The following ATP2C2 variants were observed in gnomAD, a reference collection of about 807,000 sequenced individuals.
ATP2C2 encodes the protein ATPase secretory pathway Ca2+ transporting 2.
ATP2C2 carries 171 observed loss-of-function variants against 110.8 expected under a neutral mutation model. The observed-to-expected ratio is 1.54, with a 90% CI of 1.36 to 1.75. The LOEUF (loss-of-function observed/expected upper bound fraction) is 1.75, where lower values mean the gene tolerates loss of function less well. Among genes scored for constraint, ATP2C2 ranks in the 40% most tolerant of loss-of-function variants. The probability of loss-of-function intolerance (pLI) is 0.00; values close to 1 mark genes in which losing one functional copy is unlikely to be tolerated. For missense variants in ATP2C2, 1,963 were observed against 1,235.0 expected, an observed-to-expected ratio of 1.59 and a Z score of -8.84; for synonymous variants, 804 against 508.4, an observed-to-expected ratio of 1.58 and a Z score of -7.82.
rs369793367 is a variant in ATP2C2 at position 84,415,468 on chromosome 16, C to T, written c.516-15C>T. ...TCAGCATGGATGCTTTTGCTTTTTA[C>T]CATGTCAAATGCAGCCTAAGAGAAG... On this transcript the variant is annotated splice_polypyrimidine_tract_variant and intron_variant, in intron 6 of 26. Transcript: ENST00000262429. The T allele has an allele frequency of 1.2e-4, 193 of 1,611,300 alleles. No homozygotes were observed. The Middle Eastern group carries it at 1.8e-3, about 15-fold the overall frequency.
chr16:84,383,760 T>TGTGTG (rs1246366949), intron 1 of ATP2C2, among the ~76,000 whole-genome samples: 48 of 146,204 alleles, frequency 3.3e-4, no homozygotes, highest in South Asian at 1.2e-3. Context: ...TATGTGTGTG[T>TGTGTG]TGGGGGTGGG....
At chr16:84,380,372 C>T (rs1218103863) in intron 1 of ATP2C2, among the ~76,000 whole-genome samples, 2 of 151,902 alleles carry the variant, frequency 1.3e-5, no homozygotes, top group Non-Finnish European at 2.9e-5. Flanking sequence ...TTCCCTTTTT[C>T]CTTCCTTCTT....
chr16:84,425,479 A>G (rs146021948), intron 10 of ATP2C2, among the ~76,000 whole-genome samples: 1 of 152,350 alleles, frequency 6.6e-6, no homozygotes, highest in Non-Finnish European at 1.5e-5. Flanking sequence ...GCTTGCGAAC[A>G]GTCCAAAATA....
intron 21 of ATP2C2, among the ~76,000 whole-genome samples, chr16:84,455,839 G>T (rs573741914): frequency 2.1e-5 from 3 of 143,940 alleles, no homozygotes; most frequent in African/African-American, 5.2e-5. Flanking sequence ...TAGCATGAAG[G>T]GTTGTTGAAT....
intron 16 of ATP2C2, 89 bp from the exon 17 acceptor site, chr16:84,448,444 T>C: frequency 6.9e-7 from 1 of 1,451,250 alleles, no homozygotes; most frequent in Non-Finnish European, 9.3e-7. Context: ...CCCGTGTGTG[T>C]CTTTGTAACC....
chr16:84,438,409 A>C (rs1313898909), intron 11 of ATP2C2, among the ~76,000 whole-genome samples: 1 of 152,178 alleles, frequency 6.6e-6, no homozygotes, highest in Non-Finnish European at 1.5e-5. Context: ...GTCTCAGCCA[A>C]AAGGGATAGA....
chr16:84,397,682 A>G (rs1309839966), intron 1 of ATP2C2, among the ~76,000 whole-genome samples: 1 of 151,000 alleles, frequency 6.6e-6, no homozygotes, highest in Non-Finnish European at 1.5e-5. Context: ...AACTTGCTTA[A>G]AAATAGATGC....
At position 84,448,767 on chromosome 16, in the gene ATP2C2, C is replaced by G. The variant is rs1909994522; in HGVS notation, c.1660+78C>G. ...TTTTAAGTGCATTCAAGCAGGGTCC[C>G]TAGTCAAGGAGGTCACCCGTCCCAA... On this transcript the variant is annotated intron_variant, in intron 17 of 26. Coordinates refer to ENST00000262429, the MANE Select transcript of ATP2C2 (RefSeq NM_014861.4). 3.3e-6 allele frequency: 5 copies of G among 1,526,032 alleles called. No homozygotes were observed. In the African/African-American group the frequency reaches 4.2e-5, roughly 13 times the overall value. 94.5% of individuals were successfully genotyped at this position (1,526,032 alleles called of 1,614,324 possible).
In ATP2C2 at chr16:84,422,533, G is replaced by A; in HGVS notation, c.768G>A (p.Arg256=). The change falls in exon 8 of 27, where the codon AGG becomes AGA. Residue 256 remains arginine, a synonymous_variant. Transcript: ENST00000262429. ...TGGGGACCCTGGTGCAGTATGGGAGGGGCCAGGTAAGCCCTGGGACACCGA... is the reference window on the plus strand; with the variant it reads ...TGGGGACCCTGGTGCAGTATGGGAGAGGCCAGGTAAGCCCTGGGACACCGA... The part of the protein sequence containing the change: ...VFMGTLVQYG[R]GQGVVIGTGE... 6.2e-7 allele frequency: 1 copy of A among 1,613,838 alleles called. No homozygotes were observed. Among genetic ancestry groups the A allele is most frequent in the Non-Finnish European group, 8.5e-7 (1 of 1,179,904 alleles).
intron 1 of ATP2C2, among the ~76,000 whole-genome samples, chr16:84,372,855 TCA>T (rs1250581467): frequency 6.6e-6 from 1 of 152,050 alleles, no homozygotes; most frequent in Non-Finnish European, 1.5e-5. Context: ...TTGCGGTGAC[TCA>T]CTCCTGTTTT....
chr16:84,462,214 G>T (rs540216226), intron 26 of ATP2C2, 85 bp downstream of exon 26: 3 of 1,541,178 alleles, frequency 1.9e-6, no homozygotes, highest in African/African-American at 2.7e-5. Flanking sequence ...TGCAGCCCAG[G>T]AGGGGTCAGT....
intron 24 of ATP2C2, chr16:84,461,480 C>T: frequency 1.0e-5 from 6 of 599,054 alleles, no homozygotes; most frequent in South Asian, 5.9e-5. Flanking sequence ...GTTTCCTCCA[C>T]CCATAGGTGC....
At chr16:84,407,000 A>G (rs1393131786) in intron 3 of ATP2C2, among the ~76,000 whole-genome samples, 1 of 152,144 alleles carries the variant, frequency 6.6e-6, no homozygotes, top group Non-Finnish European at 1.5e-5. Context: ...CTGCTCATTC[A>G]TCTTATAGCT....
intron 1 of ATP2C2, among the ~76,000 whole-genome samples, chr16:84,372,462 C>T (rs1219446400): frequency 6.6e-6 from 1 of 152,140 alleles, no homozygotes; most frequent in Non-Finnish European, 1.5e-5. Flanking sequence ...GAGACAGTGT[C>T]TCGCCCTGTC....
chr16:84,417,585 C>T (rs887763400), intron 7 of ATP2C2, among the ~76,000 whole-genome samples: 1 of 152,204 alleles, frequency 6.6e-6, no homozygotes, highest in South Asian at 2.1e-4. Flanking sequence ...TTTCTCTCTG[C>T]CCTGCTTATG....
chr16:84,389,602 G>T (rs902598679), intron 1 of ATP2C2, among the ~76,000 whole-genome samples: 1 of 152,202 alleles, frequency 6.6e-6, no homozygotes, highest in Non-Finnish European at 1.5e-5. Flanking sequence ...GGGCCCCTTG[G>T]TGTCCTCTAA....
In ATP2C2 at chr16:84,410,782, C is replaced by T. The variant is rs775454931; in HGVS notation, c.515+17C>T. On this transcript the variant is annotated intron_variant, in intron 6 of 26. Transcript: ENST00000262429. ...ATGTAACTGGTAAGTCAGAGCCTCC[C>T]TGGGACTTTTTGGTTCACTGGAGGA... 2.5e-6 allele frequency: 4 copies of T among 1,612,452 alleles called. No homozygotes were observed. The highest frequency in any genetic ancestry group is 2.7e-5 in the African/African-American group (2 of 74,890).
intron 3 of ATP2C2, among the ~76,000 whole-genome samples, chr16:84,405,696 G>C (rs767790532): frequency 7.9e-5 from 12 of 151,536 alleles, no homozygotes; most frequent in Admixed American, 2.0e-4. Flanking sequence ...GAAGCGGGTG[G>C]ATCACTTGAG....
intron 11 of ATP2C2, among the ~76,000 whole-genome samples, chr16:84,427,513 T>G (rs1329073693): frequency 2.6e-5 from 4 of 152,122 alleles, no homozygotes; most frequent in Admixed American, 1.3e-4. Flanking sequence ...GGTCAGGAGT[T>G]CTAGACCAGT....
Sources: gnomAD v4.1 joint callset for allele counts (sites outside exome capture counted in the v4.1 genomes callset) on GRCh38, gnomAD v4.1.1 for gene constraint, MANE v1.5 for transcripts, NCBI Gene and HGNC (gene_info 2026-07-23, HGNC 2026-07-21) for gene names.